Variants in SYNJ2 observed in about 807,000 individuals in gnomAD.
The protein encoded by SYNJ2 is polyphosphatidylinositol phosphatase SYNJ2.
SYNJ2 carries 116 observed loss-of-function variants against 141.3 expected under a neutral mutation model. The ratio of observed to expected loss-of-function variants is 0.82; its 90% CI spans 0.71 to 0.96. SYNJ2 has a LOEUF of 0.96. Among genes scored for constraint, SYNJ2 ranks in the 40% least tolerant of loss-of-function variants. SYNJ2 has a pLI of 0.00. For synonymous variants in SYNJ2, 745 were observed against 777.7 expected, an observed-to-expected ratio of 0.96 and a Z score of 0.70; for missense variants, 1,873 against 1,934.8, an observed-to-expected ratio of 0.97 and a Z score of 0.60.
chr6:158,069,754 C>T, intron 14 of SYNJ2, 81 bp downstream of exon 14: 1 of 1,434,490 alleles, frequency 7.0e-7, no homozygotes, highest in East Asian at 2.4e-5. Flanking sequence ...TCCCCCTCCT[C>T]CCCCATCCCC....
rs781556792 is a variant in SYNJ2, at chr6:158,064,904, G to A, written c.1438G>A (p.Ala480Thr). The A allele has an allele frequency of 4.3e-6, 7 of 1,613,686 alleles. No individual in the cohort carries two copies. The highest frequency in any genetic ancestry group is 1.3e-5 in the African/African-American group (1 of 74,932). ...CTTCTTCGACGGGGTGAAGCAGGAGGCCATCAAGCTGCTGCTGGTTGGGGA... is the reference window on the plus strand; with the variant it reads ...CTTCTTCGACGGGGTGAAGCAGGAGACCATCAAGCTGCTGCTGGTTGGGGA... The part of the protein sequence containing the change: ...SNFFDGVKQE[A>T]IKLLLVGDVY... Residue 480 changes from alanine (A) to threonine (T), a missense_variant, in exon 11 of 27, where the codon GCC (alanine) becomes ACC (threonine). Transcript: ENST00000355585.
chr6:158,072,652 C>T (rs1782006483), intron 15 of SYNJ2, among the ~76,000 whole-genome samples: 1 of 151,754 alleles, frequency 6.6e-6, no homozygotes, highest in Non-Finnish European at 1.5e-5. Flanking sequence ...TAAGAAGTGC[C>T]ATAATTCCTG....
chr6:158,003,245 G>C (rs1777926941), intron 1 of SYNJ2, among the ~76,000 whole-genome samples: 2 of 152,256 alleles, frequency 1.3e-5, no homozygotes, highest in African/African-American at 4.8e-5. Flanking sequence ...GGGAGCAGCA[G>C]TGGGAGGACA....
rs1172518021 is a variant in SYNJ2, at chr6:158,093,072, A to G, written c.3712A>G (p.Ile1238Val). The change falls in exon 26 of 27, where the codon ATC (isoleucine) becomes GTC (valine). Residue 1238 changes from isoleucine to valine, a missense_variant. Coordinates refer to ENST00000355585, the MANE Select transcript of SYNJ2 (RefSeq NM_003898.4). ...PRRPPPRVPAIKKPTLRRTGK... is the reference protein window; with the variant it reads ...PRRPPPRVPAVKKPTLRRTGK... Reference sequence around the variant, plus strand: ...TCGGCCCCCACCCAGAGTTCCTGCCATCAAGAAGCCAACCTTGAGAAGGAC... The same window carrying G: ...TCGGCCCCCACCCAGAGTTCCTGCCGTCAAGAAGCCAACCTTGAGAAGGAC... 6.2e-7 allele frequency: 1 copy of G among 1,608,900 alleles called. No homozygotes were observed. Among genetic ancestry groups the G allele is most frequent in the Non-Finnish European group, 8.5e-7 (1 of 1,178,736 alleles).
intron 15 of SYNJ2, among the ~76,000 whole-genome samples, chr6:158,073,517 G>T (rs1344950077): frequency 1.3e-5 from 2 of 152,142 alleles, no homozygotes; most frequent in East Asian, 3.9e-4. Context: ...CACTGGTATT[G>T]TCTGATACCG....
intron 2 of SYNJ2, among the ~76,000 whole-genome samples, chr6:158,020,631 C>T (rs1183158325): frequency 2.7e-5 from 4 of 150,562 alleles, no homozygotes; most frequent in Middle Eastern, 3.4e-3. Flanking sequence ...GATTTCACTG[C>T]GTGGCTAACT....
Position 158,095,686 on chromosome 6 carries a change from C to T in SYNJ2, c.3813C>T (p.Ser1271=), listed in dbSNP as rs753365797. ...TTACAATCGGGCCCCCGGAGACAAG[C>T]GTTGAGGCCCCTCCTGTCGTGACAG... The part of the protein sequence containing the change: ...VHFTIGPPET[S]VEAPPVVTAP... Residue 1271 remains serine, a synonymous_variant, in exon 27 of 27, where the codon AGC becomes AGT. Coordinates refer to ENST00000355585, the MANE Select transcript of SYNJ2 (RefSeq NM_003898.4). 8.9e-5 allele frequency: 144 copies of T among 1,614,036 alleles called. No homozygotes were observed. The Admixed American group carries it at 2.0e-3, about 22-fold the overall frequency.
intron 1 of SYNJ2, among the ~76,000 whole-genome samples, chr6:157,983,617 A>C (rs1306020248): frequency 1.3e-5 from 2 of 152,346 alleles, no homozygotes; most frequent in South Asian, 4.1e-4. Flanking sequence ...TTCAAAAGTG[A>C]AGATTTAAAA....
intron 8 of SYNJ2, 114 bp downstream of exon 8, chr6:158,062,278 A>G (rs1781273407): frequency 6.7e-6 from 10 of 1,492,326 alleles, no homozygotes; most frequent in Middle Eastern, 2.5e-4. Context: ...GGGGCCGTGC[A>G]GTCTAGGACA....
chr6:157,998,151 G>T lies in SYNJ2; in HGVS notation c.127+16063G>T, dbSNP rs556478374. ...TGCTCTGCTTCCAGGGGAGCGAGGG[G>T]TCTTCCTGGCAGTTTTTGCAGGTGG... On this transcript the variant is annotated intron_variant, in intron 1 of 26. Transcript: ENST00000355585. Among the ~76,000 whole-genome samples the T allele has an allele frequency of 3.9e-5, 6 of 152,332 alleles. No homozygotes were observed. The East Asian group carries it at 1.2e-3, about 29-fold the overall frequency.
chr6:157,991,648 T>C (rs10806791), intron 1 of SYNJ2, among the ~76,000 whole-genome samples: 82,406 of 152,088 alleles, frequency 0.54, 23,499 homozygotes, highest in African/African-American at 0.73. Flanking sequence ...AACATGTCAC[T>C]GTCACCATCG....
intron 6 of SYNJ2, among the ~76,000 whole-genome samples, chr6:158,058,560 G>C (rs1583427181): frequency 6.6e-6 from 1 of 152,288 alleles, no homozygotes; most frequent in Non-Finnish European, 1.5e-5. Context: ...TCTCCTGCCA[G>C]TTGTTCTAGT....
At chr6:158,041,329 G>C (rs1033246868) in intron 4 of SYNJ2, among the ~76,000 whole-genome samples, 1 of 152,218 alleles carries the variant, frequency 6.6e-6, no homozygotes, top group African/African-American at 2.4e-5. Flanking sequence ...CATCTGTGAG[G>C]TGAGACATCA....
At chr6:158,068,828 G>C in intron 13 of SYNJ2, 100 bp downstream of exon 13, 1 of 1,333,974 alleles carries the variant, frequency 7.5e-7, no homozygotes, top group Non-Finnish European at 1.1e-6. Context: ...GCCTGCTTCT[G>C]AGCCAGCTAA....
rs1167082412 is a variant in SYNJ2 at position 158,080,485 on chromosome 6, A to G, written c.2568-624A>G. ...GGGAGACTCTGACTCAAAATAAAAA[A>G]AAAAAAAAAAACGAGCATTTCCCTT... is the stretch of plus-strand genomic sequence containing the variant. On this transcript the variant is annotated intron_variant, in intron 18 of 26. Transcript: ENST00000355585. Among the ~76,000 whole-genome samples, 1,119 of 150,194 alleles carry G rather than the reference A, an allele frequency of 7.5e-3. 16 individuals are homozygous for G. The highest frequency in any genetic ancestry group is 0.025 in the African/African-American group (1,040 of 41,170).
At chr6:158,091,524 G>T (rs554078250) in intron 25 of SYNJ2, among the ~76,000 whole-genome samples, 1 of 151,510 alleles carries the variant, frequency 6.6e-6, no homozygotes, top group Non-Finnish European at 1.5e-5. Flanking sequence ...CGAGGCAGGC[G>T]GATCACGAGG....
Position 157,982,653 on chromosome 6 carries a change from T to C in SYNJ2, c.127+565T>C, listed in dbSNP as rs73014130. On this transcript the variant is annotated intron_variant, in intron 1 of 26. Transcript: ENST00000355585. The surrounding 1 kb of genome is among the most constrained non-coding windows in gnomAD (Gnocchi z 4.0). ...ACCATGACCTTTATGCTGTCTTAGA[T>C]CCTGCCAAGCCAGCGAATTTCACCT... Among the ~76,000 whole-genome samples the C allele has an allele frequency of 1.0e-2, 1,522 of 152,342 alleles. 9 individuals carry two copies. The highest frequency in any genetic ancestry group is 0.017 in the Middle Eastern group (5 of 294).
chr6:158,085,123 G>A (rs990859009), intron 22 of SYNJ2, among the ~76,000 whole-genome samples: 2 of 151,008 alleles, frequency 1.3e-5, no homozygotes, highest in African/African-American at 2.4e-5. Context: ...AGGCTCAAGC[G>A]ATCCTCCCAC....
intron 11 of SYNJ2, 24 bp from the exon 12 acceptor site, chr6:158,066,420 G>A (rs1403659386): frequency 6.2e-7 from 1 of 1,613,284 alleles, no homozygotes; most frequent in African/African-American, 1.3e-5. Context: ...GCAAAGAAAT[G>A]TGCCTTTTTA....
Sources: allele counts gnomAD v4.1 joint callset (sites outside exome capture counted in the v4.1 genomes callset), GRCh38; gene constraint gnomAD v4.1.1; non-coding constraint Gnocchi (gnomAD v3.1); transcripts MANE v1.5; gene names NCBI Gene and HGNC (gene_info 2026-07-23, HGNC 2026-07-21).